VPS13B: variants seen among roughly 807,000 people sequenced by gnomAD.
VPS13B encodes intermembrane lipid transfer protein VPS13B.
In VPS13B, 285 loss-of-function variants were observed where a neutral mutation model predicts 426.4. The ratio of observed to expected loss-of-function variants is 0.67; its 90% CI spans 0.61 to 0.74. The LOEUF (loss-of-function observed/expected upper bound fraction) is 0.74. Ranked by LOEUF, VPS13B falls within the 30% of genes least tolerant of loss-of-function variation. VPS13B has a pLI of 0.00. For missense variants in VPS13B, 4,537 were observed against 4,782.6 expected (o/e 0.95, Z 1.51); for synonymous variants, 1,676 against 1,676.4 (o/e 1.00, Z 0.01).
chr8:99,643,843 A>G (rs563208371), intron 34 of VPS13B, among the ~76,000 whole-genome samples: 72 of 152,322 alleles, frequency 4.7e-4, no homozygotes, highest in Non-Finnish European at 8.1e-4. Context: ...GGTGCCTGTG[A>G]TATAACAGGT....
intron 39 of VPS13B, among the ~76,000 whole-genome samples, chr8:99,742,548 C>T (rs1440231972): frequency 1.3e-5 from 2 of 152,126 alleles, no homozygotes; most frequent in African/African-American, 2.4e-5. Flanking sequence ...ACCAATATCC[C>T]TGATGAACAT....
intron 23 of VPS13B, among the ~76,000 whole-genome samples, chr8:99,451,244 T>TACTTC (rs1162798449): frequency 6.6e-6 from 1 of 152,210 alleles, no homozygotes; most frequent in Non-Finnish European, 1.5e-5. Context: ...CCTAGGCTGA[T>TACTTC]ACTTCCTTCA....
At chr8:99,108,418 T>C in intron 5 of VPS13B, among the ~76,000 whole-genome samples, 1 of 152,196 alleles carries the variant, frequency 6.6e-6, no homozygotes, top group South Asian at 2.1e-4. Flanking sequence ...AGGTCTTACA[T>C]TTAAGTCTTT....
In VPS13B at chr8:99,170,132, T is replaced by C. The variant is rs1229826112; in HGVS notation, c.2302T>C (p.Tyr768His). 3 of 1,612,924 alleles carry C rather than the reference T, an allele frequency of 1.9e-6. No individual in the cohort carries two copies. The highest frequency in any genetic ancestry group is 8.5e-7 in the Non-Finnish European group (1 of 1,179,034). Residue 768 changes from tyrosine to histidine, a missense_variant, in exon 16 of 62, where the codon TAT (tyrosine) becomes CAT (histidine). By Grantham distance (83) the Tyr-to-His change is moderately conservative. Coordinates refer to ENST00000357162, the MANE Select transcript of VPS13B (RefSeq NM_152564.5). ...PVIPSFSTALYGKLLKLPTCW... is the reference protein window; with the variant it reads ...PVIPSFSTALHGKLLKLPTCW... The stretch of plus-strand genomic sequence containing the variant: ...TATTCCCTCTTTCAGCACTGCTCTT[T>C]ATGGGAAACTTCTGAAACTCCCCAC...
chr8:99,582,989 T>A (rs910300140), intron 33 of VPS13B, among the ~76,000 whole-genome samples: 7 of 152,314 alleles, frequency 4.6e-5, no homozygotes, highest in East Asian at 1.9e-4. Context: ...CTCAGTTTTT[T>A]AAAAATCTCT....
chr8:99,341,745 C>A, intron 19 of VPS13B: 1 of 394,816 alleles, frequency 2.5e-6, no homozygotes, highest in Non-Finnish European at 5.3e-6. Context: ...GTCTTTCCCA[C>A]CAATAACATC....
In VPS13B at chr8:99,615,838, A is replaced by C. The variant is rs549264676; in HGVS notation, c.5221-25973A>C. On this transcript the variant is annotated intron_variant, in intron 33 of 61. Transcript: ENST00000357162. ...TGATTATTTTTGGAATATTATTATT[A>C]TAATGATTCATTCTAAAAGTCCAAC... Among the ~76,000 whole-genome samples, 11 of 152,298 alleles carry C rather than the reference A, an allele frequency of 7.2e-5. No homozygotes were observed. The East Asian group carries it at 7.7e-4, about 11-fold the overall frequency.
intron 58 of VPS13B, among the ~76,000 whole-genome samples, chr8:99,863,937 C>A (rs966490995): frequency 2.6e-5 from 4 of 152,182 alleles, no homozygotes; most frequent in African/African-American, 9.7e-5. Flanking sequence ...CAGCTCACAC[C>A]CTGAGCAGTG....
chr8:99,575,849 G>A (rs1286820979), intron 32 of VPS13B, 65 bp downstream of exon 32: 2 of 1,536,660 alleles, frequency 1.3e-6, no homozygotes, highest in South Asian at 1.1e-5. Flanking sequence ...TGTATGTTAG[G>A]GATTGCCACA....
At chr8:99,496,217 C>T (rs1394987050) in intron 25 of VPS13B, among the ~76,000 whole-genome samples, 1 of 152,166 alleles carries the variant, frequency 6.6e-6, no homozygotes, top group Non-Finnish European at 1.5e-5. Flanking sequence ...ACATACTGCA[C>T]TGTACTTCAG....
intron 17 of VPS13B, among the ~76,000 whole-genome samples, chr8:99,195,034 A>G (rs1158966380): frequency 1.3e-5 from 2 of 151,976 alleles, no homozygotes; most frequent in Admixed American, 6.6e-5. Context: ...TTTAGTAGAG[A>G]CGGAGTTTCA....
At position 99,096,746 on chromosome 8, in the gene VPS13B, A is replaced by C. The variant is rs2132433093; in HGVS notation, c.412+314A>C. Among the ~76,000 whole-genome samples the C allele has an allele frequency of 1.9e-5, 2 of 104,250 alleles. 1 individual carries two copies. The highest frequency in any genetic ancestry group is 1.9e-4 in the Admixed American group (2 of 10,776). The allele number at this position is 104,250 out of a possible 152,430, so 68.4% of individuals were successfully genotyped here. On this transcript the variant is annotated intron_variant, in intron 4 of 61. Transcript: ENST00000357162. Reference sequence around the variant, plus strand: ...ATTCCAGCCTGGGTGACAGAGTGATACTCTGTCTCAAAAAAAAAAAAAAAA... The same window carrying C: ...ATTCCAGCCTGGGTGACAGAGTGATCCTCTGTCTCAAAAAAAAAAAAAAAA...
chr8:99,314,200 A>G (rs1294783266), intron 19 of VPS13B, among the ~76,000 whole-genome samples: 2 of 152,040 alleles, frequency 1.3e-5, no homozygotes, highest in African/African-American at 2.4e-5. Flanking sequence ...AACAAGCCCC[A>G]GTGAGATGAA....
intron 39 of VPS13B, among the ~76,000 whole-genome samples, chr8:99,740,660 G>A (rs568323358): frequency 3.9e-4 from 60 of 152,286 alleles, no homozygotes; most frequent in African/African-American, 1.4e-3. Context: ...GAGAGTGGGG[G>A]CCAATATTCA....
chr8:99,147,180 C>T (rs1403224173), intron 13 of VPS13B, among the ~76,000 whole-genome samples: 2 of 152,056 alleles, frequency 1.3e-5, no homozygotes, highest in African/African-American at 2.4e-5. Flanking sequence ...GGCGTGATCT[C>T]GGCTCACTGC....
intron 3 of VPS13B, among the ~76,000 whole-genome samples, chr8:99,059,896 C>G (rs1019037288): frequency 6.6e-6 from 1 of 151,806 alleles, no homozygotes; most frequent in African/African-American, 2.4e-5. Context: ...TTATGCCCAG[C>G]TAATTTTTGT....
intron 21 of VPS13B, among the ~76,000 whole-genome samples, chr8:99,428,756 T>G (rs1023942047): frequency 6.6e-6 from 1 of 152,152 alleles, no homozygotes; most frequent in Admixed American, 6.5e-5. Flanking sequence ...AGAAATACCA[T>G]TTGACCCAGC....
chr8:99,126,990 C>G (rs1180914001), intron 8 of VPS13B, among the ~76,000 whole-genome samples: 1 of 151,484 alleles, frequency 6.6e-6, no homozygotes, highest in East Asian at 1.9e-4. Context: ...AGATACTTAG[C>G]AGGTTGAGGT....
intron 17 of VPS13B, among the ~76,000 whole-genome samples, chr8:99,225,402 G>A (rs1329381197): frequency 6.6e-6 from 1 of 151,812 alleles, no homozygotes; most frequent in African/African-American, 2.4e-5. Context: ...TCAGCCTCCC[G>A]AGTAGCTGGG....
Sources: allele counts gnomAD v4.1 joint callset (sites outside exome capture counted in the v4.1 genomes callset), GRCh38; gene constraint gnomAD v4.1.1; transcripts MANE v1.5; gene names NCBI Gene and HGNC (gene_info 2026-07-23, HGNC 2026-07-21).